DPP10: variants seen among roughly 807,000 people sequenced by gnomAD.
DPP10 encodes the protein dipeptidyl peptidase like 10.
Under a neutral mutation model 120.9 loss-of-function variants are expected in DPP10, and 33 were observed. The ratio of observed to expected loss-of-function variants is 0.27; its 90% CI spans 0.21 to 0.37. The LOEUF (loss-of-function observed/expected upper bound fraction) is 0.37, where lower values mean the gene tolerates loss of function less well. Ranked by LOEUF, DPP10 falls within the 10% of genes least tolerant of loss-of-function variation. The pLI is 1.00. For missense variants in DPP10, 816 were observed against 942.8 expected (o/e 0.87, Z 1.76); for synonymous variants, 337 against 326.1 (o/e 1.03, Z -0.36).
intron 1 of DPP10, among the ~76,000 whole-genome samples, chr2:115,027,087 T>G (rs1423178513): frequency 6.6e-6 from 1 of 152,214 alleles, no homozygotes; most frequent in Non-Finnish European, 1.5e-5. Flanking sequence ...TTTGTAGATA[T>G]TGTAAACGGG....
chr2:115,078,970 ATAAACT>A (rs1303692595), intron 1 of DPP10, among the ~76,000 whole-genome samples: 10 of 152,202 alleles, frequency 6.6e-5, no homozygotes, highest in African/African-American at 2.2e-4. Context: ...TAATTCTATG[ATAAACT>A]TAAGGTTATC....
At chr2:114,624,040 AGT>A (rs1216985294) in intron 1 of DPP10, among the ~76,000 whole-genome samples, 1 of 152,110 alleles carries the variant, frequency 6.6e-6, no homozygotes, top group Non-Finnish European at 1.5e-5. Context: ...ACACTTAAAC[AGT>A]GACTGGAGCT....
chr2:115,668,864 C>G (rs1253707508), intron 5 of DPP10, among the ~76,000 whole-genome samples: 1 of 152,106 alleles, frequency 6.6e-6, no homozygotes, highest in African/African-American at 2.4e-5. Context: ...TTACTATCAG[C>G]CTTAGGTAGG....
At chr2:114,935,237 C>T (rs1696372748) in intron 1 of DPP10, among the ~76,000 whole-genome samples, 1 of 152,022 alleles carries the variant, frequency 6.6e-6, no homozygotes, top group African/African-American at 2.4e-5. Flanking sequence ...CCTTCGTCAT[C>T]GTTTCCCTTC....
chr2:115,334,267 C>A (rs1398503069), intron 2 of DPP10, among the ~76,000 whole-genome samples: 1 of 43,444 alleles, frequency 2.3e-5, no homozygotes, highest in Non-Finnish European at 6.6e-5. Context: ...GCTATTTCTG[C>A]AACAAGAGAT....
chr2:114,476,240 G>T (rs182132426), intron 1 of DPP10, among the ~76,000 whole-genome samples: 2 of 151,974 alleles, frequency 1.3e-5, no homozygotes, highest in Non-Finnish European at 2.9e-5. Context: ...TCATTCTTAA[G>T]TACAGAACAC....
At chr2:114,959,796 G>T (rs2104705756) in intron 1 of DPP10, among the ~76,000 whole-genome samples, 1 of 152,208 alleles carries the variant, frequency 6.6e-6, no homozygotes, top group Admixed American at 6.5e-5. Flanking sequence ...TTATGGTTTT[G>T]GTTCGCAGTT....
intron 10 of DPP10, among the ~76,000 whole-genome samples, chr2:115,749,302 G>A (rs922869036): frequency 3.3e-5 from 5 of 152,072 alleles, no homozygotes; most frequent in African/African-American, 1.2e-4. Context: ...AGTGATACGT[G>A]GTCATTTGTG....
chr2:114,666,428 C>G (rs1165727020), intron 1 of DPP10, among the ~76,000 whole-genome samples: 1 of 152,120 alleles, frequency 6.6e-6, no homozygotes, highest in Non-Finnish European at 1.5e-5. Flanking sequence ...CATAGCTGAA[C>G]AGCCACTCAT....
chr2:114,450,761 T>C lies in DPP10; in HGVS notation c.60+7923T>C, dbSNP rs188013789. On this transcript the variant is annotated intron_variant, in intron 1 of 25. Coordinates refer to ENST00000410059, the MANE Select transcript of DPP10 (RefSeq NM_020868.6). Reference sequence around the variant, plus strand: ...AAAAAAAGGTTTTGCATTATGAGCGTTTTTCTACATTAAGGAAGTCCTGTG... The same window carrying C: ...AAAAAAAGGTTTTGCATTATGAGCGCTTTTCTACATTAAGGAAGTCCTGTG... 4.6e-3 allele frequency among the ~76,000 whole-genome samples: 692 copies of C among 151,526 alleles called. 5 individuals carry two copies. Among genetic ancestry groups the C allele is most frequent in the African/African-American group, 0.016 (650 of 41,344 alleles).
intron 1 of DPP10, among the ~76,000 whole-genome samples, chr2:115,283,102 C>T (rs1390391440): frequency 2.0e-5 from 3 of 151,954 alleles, no homozygotes; most frequent in Admixed American, 6.6e-5. Context: ...GTTACTAGCT[C>T]ACTCTTTTCT....
intron 1 of DPP10, among the ~76,000 whole-genome samples, chr2:114,598,470 T>C (rs752929204): frequency 6.6e-6 from 1 of 151,878 alleles, no homozygotes; most frequent in African/African-American, 2.4e-5. Context: ...TAGCAGGAAG[T>C]AGAAGGAGCA....
chr2:115,240,044 A>G (rs1017124114), intron 1 of DPP10, among the ~76,000 whole-genome samples: 5 of 152,198 alleles, frequency 3.3e-5, no homozygotes, highest in Admixed American at 6.5e-5. Flanking sequence ...GCTGTTGTGA[A>G]TAGAGCTGCA....
At chr2:114,738,521 A>C (rs988387246) in intron 1 of DPP10, among the ~76,000 whole-genome samples, 1 of 152,168 alleles carries the variant, frequency 6.6e-6, no homozygotes, top group African/African-American at 2.4e-5. Context: ...AGAGTGGCTC[A>C]AAGGGGAGCA....
At chr2:114,931,262 G>A (rs541435676) in intron 1 of DPP10, among the ~76,000 whole-genome samples, 113 of 152,218 alleles carry the variant, frequency 7.4e-4, no homozygotes, top group African/African-American at 2.6e-3. Context: ...AAGGAAAGGG[G>A]TTTTGTATGG....
Position 115,752,565 on chromosome 2 carries a change from T to G in DPP10, c.951-609T>G, listed in dbSNP as rs116791153. Among the ~76,000 whole-genome samples the G allele has an allele frequency of 5.4e-3, 823 of 152,284 alleles. 15 individuals carry two copies. Among genetic ancestry groups the G allele is most frequent in the African/African-American group, 0.019 (787 of 41,570 alleles). On this transcript the variant is annotated intron_variant, in intron 10 of 25. Coordinates refer to ENST00000410059, the MANE Select transcript of DPP10 (RefSeq NM_020868.6). ...TTAACAATATGGAAAAAATTATGTA[T>G]TAAAAATTGGGACTGGTCCTTGGTC...
intron 1 of DPP10, among the ~76,000 whole-genome samples, chr2:115,043,611 C>G (rs1704835741): frequency 6.6e-6 from 1 of 152,168 alleles, no homozygotes; most frequent in Non-Finnish European, 1.5e-5. Flanking sequence ...TAACTGCGTT[C>G]TAGATTTTTT....
intron 1 of DPP10, among the ~76,000 whole-genome samples, chr2:114,756,906 G>C (rs79168859): frequency 6.6e-6 from 1 of 152,068 alleles, no homozygotes; most frequent in Non-Finnish European, 1.5e-5. Context: ...AGGAAGCCCC[G>C]TTGAGGTATT....
At chr2:115,005,068 C>A (rs1195649181) in intron 1 of DPP10, among the ~76,000 whole-genome samples, 6 of 152,050 alleles carry the variant, frequency 3.9e-5, no homozygotes, top group African/African-American at 1.2e-4. Flanking sequence ...CCCCTGACCC[C>A]CGAGAAGCCT....
Sources: allele counts gnomAD v4.1 joint callset (sites outside exome capture counted in the v4.1 genomes callset), GRCh38; gene constraint gnomAD v4.1.1; transcripts MANE v1.5; gene names NCBI Gene and HGNC (gene_info 2026-07-23, HGNC 2026-07-21).